Variants in ADAMTS17 observed in about 807,000 individuals in gnomAD.
The protein encoded by ADAMTS17 is A disintegrin and metalloproteinase with thrombospondin motifs 17.
In ADAMTS17, 113 loss-of-function variants were observed where a neutral mutation model predicts 141.5. The observed-to-expected ratio is 0.80, with a 90% CI of 0.69 to 0.93. The LOEUF is 0.93. Ranked by LOEUF, ADAMTS17 falls within the 40% of genes least tolerant of loss-of-function variation. The probability of loss-of-function intolerance (pLI) is 0.00; values close to 1 mark genes in which losing one functional copy is unlikely to be tolerated. For missense variants in ADAMTS17, 1,659 were observed against 1,517.9 expected, an observed-to-expected ratio of 1.09 and a Z score of -1.54; for synonymous variants, 768 against 630.6, an observed-to-expected ratio of 1.22 and a Z score of -3.27.
chr15:100,187,351 T>C (rs2040755876), intron 8 of ADAMTS17, among the ~76,000 whole-genome samples: 1 of 152,242 alleles, frequency 6.6e-6, no homozygotes. Context: ...CCAGCCCTCT[T>C]GGCTTTCCTT....
At position 100,341,092 on chromosome 15, in the gene ADAMTS17, C is replaced by A; in HGVS notation, c.397G>T (p.Gly133Cys). The A allele has an allele frequency of 6.6e-7, 1 of 1,517,594 alleles. No homozygotes were observed. Among genetic ancestry groups the A allele is most frequent in the South Asian group, 1.2e-5 (1 of 83,006 alleles). 94.0% of individuals were successfully genotyped at this position (1,517,594 alleles called of 1,614,324 possible). ...AGCGAGACGAGGGAGCCGGGGTGGC[C>A]GAGCACACGGCCCGAGTAGAAGCAC... The part of the protein sequence containing the change: ...ELCFYSGRVL[G>C]HPGSLVSLSA... Residue 133 changes from glycine (G) to cysteine (C), a missense_variant, in exon 2 of 22, where the codon GGC becomes TGC. Physicochemically the swap from Gly to Cys is radical, Grantham distance 159. Coordinates refer to ENST00000268070, the MANE Select transcript of ADAMTS17 (RefSeq NM_139057.4).
intron 7 of ADAMTS17, among the ~76,000 whole-genome samples, chr15:100,217,242 T>C: frequency 6.6e-6 from 1 of 152,112 alleles, no homozygotes; most frequent in Non-Finnish European, 1.5e-5. Context: ...TGGATATCCA[T>C]ATGCAAGAAA....
intron 20 of ADAMTS17, chr15:99,976,749 G>C (rs2727203): frequency 5.1e-6 from 1 of 197,360 alleles, no homozygotes; most frequent in Non-Finnish European, 1.0e-5. Flanking sequence ...ACCAGGCACT[G>C]GATTTGTTAG....
At chr15:100,282,382 A>C (rs2044314046) in intron 3 of ADAMTS17, among the ~76,000 whole-genome samples, 1 of 152,222 alleles carries the variant, frequency 6.6e-6, no homozygotes, top group Non-Finnish European at 1.5e-5. Flanking sequence ...GCTATGTTCC[A>C]AGACTCCCAG....
In ADAMTS17 at chr15:100,313,174, T is replaced by A. The variant is rs6598325; in HGVS notation, c.616+17715A>T. 2.6e-3 allele frequency among the ~76,000 whole-genome samples: 396 copies of A among 152,086 alleles called. 2 individuals are homozygous for A. The highest frequency in any genetic ancestry group is 9.3e-3 in the African/African-American group (385 of 41,474). ...ATGAAAGCTTCCATACTTCTTTTCATGGAGCTATAATACTAATATCTAAAC... is the reference window on the plus strand; with the variant it reads ...ATGAAAGCTTCCATACTTCTTTTCAAGGAGCTATAATACTAATATCTAAAC... On this transcript the variant is annotated intron_variant, in intron 3 of 21. Transcript: ENST00000268070.
chr15:99,974,003 T>TAGAA lies in ADAMTS17; in HGVS notation c.*398_*399insTTCT. ...TCGCCGGCTTTCAGAATAAAGCCTT[T>TAGAA]TCTAGCATGTCTCGTTTTGGGGATG... On this transcript the variant is annotated 3_prime_UTR_variant, in exon 22 of 22. Transcript: ENST00000268070. 3.0e-6 allele frequency: 1 copy of TAGAA among 329,396 alleles called. No homozygotes were observed. Among genetic ancestry groups the TAGAA allele is most frequent in the South Asian group, 2.6e-5 (1 of 38,588 alleles). 20.4% of individuals were successfully genotyped at this position (329,396 alleles called of 1,614,324 possible).
intron 2 of ADAMTS17, among the ~76,000 whole-genome samples, chr15:100,336,024 T>C (rs888424573): frequency 1.3e-5 from 2 of 152,356 alleles, no homozygotes; most frequent in Admixed American, 6.5e-5. Flanking sequence ...AGCTGCAGTA[T>C]TTCAGAGTTC....
At chr15:100,172,682 C>A (rs2040203296) in intron 8 of ADAMTS17, among the ~76,000 whole-genome samples, 2 of 152,214 alleles carry the variant, frequency 1.3e-5, no homozygotes, top group Admixed American at 6.5e-5. Context: ...TCGGAATTAG[C>A]TTAGACTGTG....
chr15:100,131,708 G>A (rs1165404091), intron 12 of ADAMTS17, among the ~76,000 whole-genome samples: 2 of 152,198 alleles, frequency 1.3e-5, no homozygotes, highest in African/African-American at 4.8e-5. Context: ...CCACGGGCAG[G>A]CTGGAGGGAC....
intron 20 of ADAMTS17, chr15:99,976,697 C>G: frequency 4.0e-6 from 1 of 250,804 alleles, no homozygotes; most frequent in Non-Finnish European, 7.8e-6. Flanking sequence ...TGGCTCTCCA[C>G]CGTGAGAGGA....
At chr15:100,334,595 C>T (rs541408974) in intron 2 of ADAMTS17, among the ~76,000 whole-genome samples, 23 of 152,280 alleles carry the variant, frequency 1.5e-4, no homozygotes, top group African/African-American at 5.3e-4. Flanking sequence ...TCCTGCCCCC[C>T]GACTCTCGGG....
At chr15:100,208,463 G>C (rs978354431) in intron 7 of ADAMTS17, among the ~76,000 whole-genome samples, 2 of 152,190 alleles carry the variant, frequency 1.3e-5, no homozygotes, top group African/African-American at 2.4e-5. Flanking sequence ...TCTACTGTTT[G>C]ACCAGGATGC....
At chr15:99,975,900 T>TAC (rs758635763) in intron 21 of ADAMTS17, 145 bp downstream of exon 21, 1 of 959,394 alleles carries the variant, frequency 1.0e-6, no homozygotes, top group Non-Finnish European at 1.5e-6. Flanking sequence ...AAACCTCTTC[T>TAC]ACAGAACTGA....
intron 7 of ADAMTS17, among the ~76,000 whole-genome samples, chr15:100,214,434 CA>C (rs2041907489): frequency 6.6e-6 from 1 of 152,074 alleles, no homozygotes; most frequent in Non-Finnish European, 1.5e-5. Flanking sequence ...TGAAGTGATT[CA>C]TTCATTATTC....
intron 7 of ADAMTS17, among the ~76,000 whole-genome samples, chr15:100,235,707 C>T (rs1476708532): frequency 4.6e-5 from 7 of 152,160 alleles, no homozygotes; most frequent in Non-Finnish European, 1.0e-4. Context: ...AACACCACCA[C>T]GGAGGACTTC....
chr15:100,105,815 G>C (rs532749825), intron 14 of ADAMTS17, among the ~76,000 whole-genome samples: 1 of 152,052 alleles, frequency 6.6e-6, no homozygotes, highest in Admixed American at 6.6e-5. Context: ...AGCCTCCTGA[G>C]TAGCTGGGAT....
At chr15:100,102,127 G>A (rs182870450) in intron 14 of ADAMTS17, among the ~76,000 whole-genome samples, 8 of 152,316 alleles carry the variant, frequency 5.3e-5, no homozygotes, top group Admixed American at 1.3e-4. Flanking sequence ...TTGGCTGCAC[G>A]GAGAACTCCA....
At position 100,328,845 on chromosome 15, in the gene ADAMTS17, G is replaced by A. The variant is rs552937335; in HGVS notation, c.616+2044C>T. ...GAGTTCTGACCATGGACTAGAGTCT[G>A]ATGAACGGTGGCGTGAGCAGAGAGA... On this transcript the variant is annotated intron_variant, in intron 3 of 21. Transcript: ENST00000268070. Among the ~76,000 whole-genome samples, 47 of 152,320 alleles carry A rather than the reference G, an allele frequency of 3.1e-4. No individual in the cohort carries two copies. In the South Asian group the frequency reaches 9.7e-3, roughly 32 times the overall value.
At chr15:100,249,729 C>A (rs1305215208) in intron 7 of ADAMTS17, among the ~76,000 whole-genome samples, 1 of 152,232 alleles carries the variant, frequency 6.6e-6, no homozygotes, top group Non-Finnish European at 1.5e-5. Flanking sequence ...GCAGTGGAGA[C>A]AAATGGGCTG....
Sources: allele counts gnomAD v4.1 joint callset (sites outside exome capture counted in the v4.1 genomes callset), GRCh38; gene constraint gnomAD v4.1.1; transcripts MANE v1.5; gene names NCBI Gene and HGNC (gene_info 2026-07-23, HGNC 2026-07-21).